Variants in HMBOX1 observed in about 807,000 individuals in gnomAD.
HMBOX1 encodes homeobox containing 1.
A neutral mutation model predicts 54.5 loss-of-function variants in HMBOX1; 14 were observed. The ratio of observed to expected loss-of-function variants is 0.26; its 90% CI spans 0.17 to 0.40. The LOEUF (loss-of-function observed/expected upper bound fraction) is 0.40, where lower values mean the gene tolerates loss of function less well. Among genes scored for constraint, HMBOX1 ranks in the 10% least tolerant of loss-of-function variants. The probability of loss-of-function intolerance (pLI) is 1.00; values close to 1 mark genes in which losing one functional copy is unlikely to be tolerated. For synonymous variants in HMBOX1, 160 were observed against 181.0 expected, an observed-to-expected ratio of 0.88 and a Z score of 0.93; for missense variants, 332 against 514.4, an observed-to-expected ratio of 0.65 and a Z score of 3.43.
At chr8:28,977,681 C>G (rs138911385) in intron 3 of HMBOX1, among the ~76,000 whole-genome samples, 2,919 of 152,188 alleles carry the variant, frequency 0.019, 89 homozygotes, top group African/African-American at 0.067. Flanking sequence ...TGGCTCACGC[C>G]TGTAATCCCA....
intron 1 of HMBOX1, among the ~76,000 whole-genome samples, chr8:28,948,401 A>G (rs986831595): frequency 1.3e-5 from 2 of 152,220 alleles, no homozygotes; most frequent in African/African-American, 4.8e-5. Flanking sequence ...GGCATAAAAG[A>G]AGTGCCTATG....
chr8:28,914,011 C>CA (rs1816022148), intron 1 of HMBOX1, among the ~76,000 whole-genome samples: 1 of 152,178 alleles, frequency 6.6e-6, no homozygotes, highest in East Asian at 1.9e-4. Context: ...GATGGGACTA[C>CA]AGGCATGTGC....
intron 1 of HMBOX1, among the ~76,000 whole-genome samples, chr8:28,923,637 G>A (rs547715966): frequency 1.3e-4 from 20 of 152,304 alleles, no homozygotes; most frequent in African/African-American, 4.8e-4. Flanking sequence ...AAGTGGAATT[G>A]CTGGGTCATC....
intron 6 of HMBOX1, among the ~76,000 whole-genome samples, chr8:29,041,592 G>A (rs578162971): frequency 3.9e-5 from 6 of 152,204 alleles, no homozygotes; most frequent in Admixed American, 2.0e-4. Context: ...GATGAAGTGC[G>A]GTGGGATTCA....
intron 1 of HMBOX1, among the ~76,000 whole-genome samples, chr8:28,914,607 C>T (rs548346761): frequency 6.6e-6 from 1 of 152,312 alleles, no homozygotes; most frequent in South Asian, 2.1e-4. Flanking sequence ...AACCACAGCA[C>T]TGCAGACAGC....
chr8:28,900,310 C>T (rs112175693), intron 1 of HMBOX1, among the ~76,000 whole-genome samples: 3 of 140,336 alleles, frequency 2.1e-5, no homozygotes, highest in African/African-American at 7.8e-5. Flanking sequence ...CTGAGTTCTA[C>T]CCCCAGATTC....
chr8:28,924,450 ATTTTT>A (rs201997388), intron 1 of HMBOX1, among the ~76,000 whole-genome samples: 1 of 127,850 alleles, frequency 7.8e-6, no homozygotes, highest in Non-Finnish European at 1.7e-5. Context: ...AATTTATCTA[ATTTTT>A]TTTTTTTTTT....
chr8:28,918,969 A>C (rs1387150067), intron 1 of HMBOX1, among the ~76,000 whole-genome samples: 1 of 152,252 alleles, frequency 6.6e-6, no homozygotes, highest in Non-Finnish European at 1.5e-5. Context: ...ATTTCTTTAT[A>C]CTATCAATTC....
chr8:28,971,161 G>A (rs892583322), intron 3 of HMBOX1, among the ~76,000 whole-genome samples: 25 of 146,398 alleles, frequency 1.7e-4, no homozygotes, highest in Non-Finnish European at 2.8e-4. Flanking sequence ...GCGTGATCTC[G>A]GCTCACCACA....
chr8:28,991,494 A>G (rs1490043891), intron 4 of HMBOX1, among the ~76,000 whole-genome samples: 1 of 152,218 alleles, frequency 6.6e-6, no homozygotes, highest in African/African-American at 2.4e-5. Context: ...AAACAGATTC[A>G]TGAACACCAT....
intron 4 of HMBOX1, among the ~76,000 whole-genome samples, chr8:28,989,419 T>G (rs569424201): frequency 6.6e-6 from 1 of 151,782 alleles, no homozygotes; most frequent in Non-Finnish European, 1.5e-5. Flanking sequence ...GGTTGAGGCA[T>G]TTTTTTTTCT....
intron 6 of HMBOX1, among the ~76,000 whole-genome samples, chr8:29,037,238 A>G (rs1411719165): frequency 1.3e-5 from 2 of 152,216 alleles, no homozygotes; most frequent in Non-Finnish European, 2.9e-5. Flanking sequence ...ATACATTAGT[A>G]AAGAACATCT....
chr8:29,013,641 G>C (rs1245663927), intron 5 of HMBOX1, among the ~76,000 whole-genome samples: 1 of 152,088 alleles, frequency 6.6e-6, no homozygotes, highest in Non-Finnish European at 1.5e-5. Flanking sequence ...GCCTGCCAAG[G>C]CATATTAATA....
intron 1 of HMBOX1, among the ~76,000 whole-genome samples, chr8:28,921,965 G>A (rs1176116080): frequency 6.6e-6 from 1 of 152,174 alleles, no homozygotes; most frequent in Non-Finnish European, 1.5e-5. Flanking sequence ...ATACTTAGAA[G>A]AGGAGTATTA....
At chr8:29,032,103 C>T (rs1439506740) in intron 6 of HMBOX1, among the ~76,000 whole-genome samples, 2 of 152,168 alleles carry the variant, frequency 1.3e-5, no homozygotes, top group Non-Finnish European at 2.9e-5. Flanking sequence ...GCGACATTTG[C>T]AACATTTGTC....
chr8:28,933,137 A>T (rs1026155900), intron 1 of HMBOX1, among the ~76,000 whole-genome samples: 2 of 152,194 alleles, frequency 1.3e-5, no homozygotes, highest in Non-Finnish European at 2.9e-5. Flanking sequence ...ATGATAATCT[A>T]TGTAAATAAT....
intron 4 of HMBOX1, among the ~76,000 whole-genome samples, chr8:28,994,167 C>CAAA (rs35952321): frequency 8.1e-6 from 1 of 124,188 alleles, no homozygotes; most frequent in Non-Finnish European, 1.6e-5. Flanking sequence ...ACTCTCTCAC[C>CAAA]AAAAAAAAAA....
In HMBOX1 at chr8:28,917,478, T is replaced by C. The variant is rs1816769647; in HGVS notation, c.-58+26800T>C. Among the ~76,000 whole-genome samples the C allele has an allele frequency of 2.0e-5, 3 of 152,178 alleles. No individual in the cohort carries two copies. The South Asian group carries it at 6.2e-4, about 31-fold the overall frequency. Reference sequence around the variant, plus strand: ...TCTAGAAACCTTAAGATTTTCTACATGACAATCACATTGCGTATGAATAGA... The same window carrying C: ...TCTAGAAACCTTAAGATTTTCTACACGACAATCACATTGCGTATGAATAGA... On this transcript the variant is annotated intron_variant, in intron 1 of 9. Transcript: ENST00000287701.
rs57782250 is a variant in HMBOX1, at chr8:28,926,705, C to A, written c.-58+36027C>A. Among the ~76,000 whole-genome samples the A allele has an allele frequency of 6.6e-3, 1,010 of 152,214 alleles. 12 individuals are homozygous for A. The highest frequency in any genetic ancestry group is 0.053 in the East Asian group (273 of 5,184). On this transcript the variant is annotated intron_variant, in intron 1 of 9. Transcript: ENST00000287701. ...GCCTCAGCTTCCTAAGTAGCTAGGA[C>A]TACAAGTGTATACCACCATGCCTAG...
Sources: allele counts gnomAD v4.1 joint callset (sites outside exome capture counted in the v4.1 genomes callset), GRCh38; gene constraint gnomAD v4.1.1; transcripts MANE v1.5; gene names NCBI Gene and HGNC (gene_info 2026-07-23, HGNC 2026-07-21).